Variants in CENPI observed in about 807,000 individuals in gnomAD.
CENPI encodes centromere protein I, also known as FSH primary response 1.
CENPI carries 4 observed loss-of-function variants against 60.4 expected under a neutral mutation model. The observed-to-expected ratio is 0.07, with a 90% confidence interval of 0.03 to 0.15. CENPI has a LOEUF of 0.15. CENPI is among the 10% of genes least tolerant of loss of function. The pLI, the probability that CENPI is intolerant of heterozygous loss-of-function variation, is 1.00. For synonymous variants in CENPI, 157 were observed against 189.4 expected, an observed-to-expected ratio of 0.83 and a Z score of 1.40; for missense variants, 444 against 534.5, an observed-to-expected ratio of 0.83 and a Z score of 1.67.
At chrX:101,151,201 G>A (rs970868650) in intron 20 of CENPI, among the ~76,000 whole-genome samples, 1 of 111,384 alleles carries the variant, frequency 9.0e-6, no homozygotes, top group Non-Finnish European at 1.9e-5. Flanking sequence ...TTTACTTCTG[G>A]TTATGTCTTA....
At chrX:101,109,697 G>A in intron 5 of CENPI, 106 bp downstream of exon 5, 1 of 627,364 alleles carries the variant, frequency 1.6e-6, no homozygotes, top group Non-Finnish European at 2.6e-6. Flanking sequence ...TGCAAAGCCT[G>A]TAGTTTTGGA....
rs764806693 is a variant in CENPI, at chrX:101,153,701, CA to C, written c.2094+5542del. 3.6e-5 allele frequency among the ~76,000 whole-genome samples: 4 copies of C among 111,674 alleles called. No homozygotes were observed. In the Admixed American group the frequency reaches 3.8e-4, roughly 11 times the overall value. On this transcript the variant is annotated intron_variant, in intron 20 of 21. Coordinates refer to ENST00000682095, the MANE Select transcript of CENPI (RefSeq NM_001386188.2). ...ATATGTAATTTGCAAAAGTTTTCTCCAATTTTGTGGGTTGTCTTCACTTTTT... is the reference window on the plus strand; with the variant it reads ...ATATGTAATTTGCAAAAGTTTTCTCCATTTTGTGGGTTGTCTTCACTTTTT...
chrX:101,166,820 C>T (rs910773676), downstream of CENPI, among the ~76,000 whole-genome samples: 1 of 112,224 alleles, frequency 8.9e-6, no homozygotes, highest in Non-Finnish European at 1.9e-5. Flanking sequence ...AGTGCAGTGG[C>T]GTGATCTTGG....
the CENPI span, among the ~76,000 whole-genome samples, chrX:101,178,398 C>CTTCTTTTTTTTTTTTTTT: frequency 4.8e-4 from 19 of 39,976 alleles, no homozygotes; most frequent in South Asian, 1.7e-3. Context: ...TTTTCTTCTT[C>CTTCTTTTTTTTTTTTTTT]TTTTTTTTTT....
the CENPI span, among the ~76,000 whole-genome samples, chrX:101,173,872 A>G: frequency 8.9e-6 from 1 of 111,734 alleles, no homozygotes; most frequent in African/African-American, 3.3e-5. Flanking sequence ...ACAAACGTCT[A>G]ATATCCAGAA....
At chrX:101,169,535 ACAG>A (rs2090151846), downstream of CENPI, among the ~76,000 whole-genome samples, 1 of 112,674 alleles carries the variant, frequency 8.9e-6, no homozygotes, top group Non-Finnish European at 1.9e-5. Flanking sequence ...ACAGTTATGT[ACAG>A]CAGATTATAC....
chrX:101,131,182 G>A (rs2089792352), intron 13 of CENPI, among the ~76,000 whole-genome samples: 1 of 102,614 alleles, frequency 9.7e-6, no homozygotes, highest in Non-Finnish European at 2.0e-5. Flanking sequence ...TTTGTTTTTT[G>A]TATTTTTTTG....
intron 13 of CENPI, among the ~76,000 whole-genome samples, chrX:101,131,139 A>G (rs1380404422): frequency 9.1e-6 from 1 of 110,083 alleles, no homozygotes; most frequent in Non-Finnish European, 1.9e-5. Context: ...ACAGGTGTGC[A>G]CCACCACTCC....
chrX:101,109,473 G>C lies in CENPI; in HGVS notation c.365G>C (p.Gly122Ala), dbSNP rs375526968. The C allele has an allele frequency of 3.1e-5, 37 of 1,182,567 alleles. No individual in the cohort carries two copies. The African/African-American group carries it at 5.5e-4, about 17-fold the overall frequency. Residue 122 changes from glycine (G) to alanine (A), a missense_variant and splice_region_variant, in exon 5 of 22, where the codon GGA (glycine) becomes GCA (alanine). Coordinates refer to ENST00000682095, the MANE Select transcript of CENPI (RefSeq NM_001386188.2). ...TTAATTTAGCTTGTCTCCTTTCCAG[G>C]AAATGCTGTAAACACACGGATATTG... Reference protein sequence around the residue: ...LLNIALSGKFGNAVNTRILKC... With the variant: ...LLNIALSGKFANAVNTRILKC...
chrX:101,128,690 G>A, intron 11 of CENPI, 26 bp from the exon 12 acceptor site: 3 of 1,194,873 alleles, frequency 2.5e-6, no homozygotes, highest in Non-Finnish European at 3.4e-6. Flanking sequence ...ATACTTAACT[G>A]TTGATCGGTT....
intron 20 of CENPI, 37 bp downstream of exon 20, chrX:101,148,198 T>G: frequency 9.5e-7 from 1 of 1,049,148 alleles, no homozygotes; most frequent in Admixed American, 2.3e-5. Flanking sequence ...TTTTGTATCT[T>G]AATACTGTGG....
chrX:101,175,431 T>C, the CENPI span, among the ~76,000 whole-genome samples: 1 of 112,076 alleles, frequency 8.9e-6, no homozygotes, highest in Admixed American at 9.5e-5. Context: ...GTAAAGAAAA[T>C]GATCCTACCA....
At chrX:101,133,994 A>C (rs964627261) in intron 15 of CENPI, among the ~76,000 whole-genome samples, 7 of 111,771 alleles carry the variant, frequency 6.3e-5, no homozygotes, top group African/African-American at 2.3e-4. Context: ...TGACCAATAA[A>C]AAGTTGTAGA....
the CENPI span, among the ~76,000 whole-genome samples, chrX:101,178,411 T>C: frequency 5.0e-5 from 4 of 79,573 alleles, no homozygotes; most frequent in Non-Finnish European, 7.4e-5. Context: ...TTTTTTTTTT[T>C]TTTTTTTTTT....
intron 15 of CENPI, among the ~76,000 whole-genome samples, chrX:101,138,378 G>A (rs773336441): frequency 9.4e-6 from 1 of 105,998 alleles, no homozygotes; most frequent in Non-Finnish European, 1.9e-5. Flanking sequence ...TCACTCTGTC[G>A]CCAGGATGGA....
intron 6 of CENPI, among the ~76,000 whole-genome samples, chrX:101,114,118 A>G (rs761230265): frequency 8.9e-6 from 1 of 111,740 alleles, no homozygotes; most frequent in African/African-American, 3.3e-5. Context: ...TTAGCCAGGC[A>G]TGGTGACAGG....
chrX:101,112,989 A>G (rs1348334334), intron 6 of CENPI, among the ~76,000 whole-genome samples: 3 of 104,957 alleles, frequency 2.9e-5, no homozygotes, highest in African/African-American at 1.0e-4. Context: ...AGTGTTCTCT[A>G]TCCTCCTTTT....
downstream of CENPI, among the ~76,000 whole-genome samples, chrX:101,171,117 TAATC>T (rs1191398562): frequency 8.9e-6 from 1 of 111,872 alleles, no homozygotes; most frequent in Non-Finnish European, 1.9e-5. Context: ...AGCGCTATAT[TAATC>T]AAGACAGTGT....
intron 6 of CENPI, among the ~76,000 whole-genome samples, chrX:101,111,227 G>A (rs1269686468): frequency 9.0e-6 from 1 of 111,062 alleles, no homozygotes; most frequent in Non-Finnish European, 1.9e-5. Flanking sequence ...AGAGGCTGAA[G>A]GCAGGAATAC....
Sources: gnomAD v4.1 joint callset for allele counts (sites outside exome capture counted in the v4.1 genomes callset) on GRCh38, gnomAD v4.1.1 for gene constraint, MANE v1.5 for transcripts, NCBI Gene and HGNC (gene_info 2026-07-23, HGNC 2026-07-21) for gene names.